PBRM1: variants seen among roughly 807,000 people sequenced by gnomAD.
PBRM1 encodes the protein protein polybromo-1.
A neutral mutation model predicts 194.5 loss-of-function variants in PBRM1; 27 were observed. The observed-to-expected ratio is 0.14, with a 90% CI of 0.10 to 0.19. PBRM1 has a LOEUF of 0.19. Ranked by LOEUF, PBRM1 falls within the 10% of genes least tolerant of loss-of-function variation. PBRM1 has a pLI of 1.00. For missense variants in PBRM1, 1,466 were observed against 2,077.2 expected, an observed-to-expected ratio of 0.71 and a Z score of 5.72; for synonymous variants, 655 against 693.2, an observed-to-expected ratio of 0.94 and a Z score of 0.87.
At chr3:52,548,898 A>G (rs978307831) in intron 29 of PBRM1, among the ~76,000 whole-genome samples, 2 of 152,204 alleles carry the variant, frequency 1.3e-5, no homozygotes, top group African/African-American at 2.4e-5. Flanking sequence ...GAAACTTCCA[A>G]ACTTCTCTCC....
exon 20 of PBRM1, chr3:52,586,657 C>G (rs756678646): frequency 6.3e-7 from 1 of 1,595,862 alleles, no homozygotes; most frequent in Non-Finnish European, 8.5e-7. Context: ...ATCCTCATCT[C>G]GGAAGTTTTC....
At chr3:52,671,719 T>G (rs968567331) in intron 2 of PBRM1, among the ~76,000 whole-genome samples, 1 of 152,242 alleles carries the variant, frequency 6.6e-6, no homozygotes, top group African/African-American at 2.4e-5. Flanking sequence ...AGAAGACTAT[T>G]ATTGATAAAC....
chr3:52,609,571 T>C lies in PBRM1; in HGVS notation c.2309A>G (p.His770Arg), dbSNP rs748868964. ...AATCAGCAAAGTCACATTTGGGACATGAGAGTCCTCATCTCCCTCCAGGTC... is the reference window on the plus strand; with the variant it reads ...AATCAGCAAAGTCACATTTGGGACACGAGAGTCCTCATCTCCCTCCAGGTC... The change falls in exon 16 of 30, where the codon CAT (histidine) becomes CGT (arginine). Residue 770 changes from histidine (H) to arginine (R), a missense_variant. His to Arg is a conservative substitution (Grantham distance 29). Around this residue, in one of 5 missense-constraint regions of PBRM1, gnomAD observed 687 missense variants for 946.2 expected, o/e 0.73. Transcript: ENST00000296302. The surrounding 1 kb of genome is among the most constrained non-coding windows in gnomAD (Gnocchi z 4.1). The C allele has an allele frequency of 6.8e-6, 11 of 1,613,584 alleles. No homozygotes were observed. The highest frequency in any genetic ancestry group is 1.7e-5 in the Admixed American group (1 of 59,948).
intron 17 of PBRM1, among the ~76,000 whole-genome samples, chr3:52,598,821 A>T (rs1227975402): frequency 6.6e-6 from 1 of 152,114 alleles, no homozygotes; most frequent in Non-Finnish European, 1.5e-5. Flanking sequence ...AGGAGTTAAG[A>T]GACCAGCCTG....
At chr3:52,670,204 C>G (rs369772454) in intron 2 of PBRM1, among the ~76,000 whole-genome samples, 24 of 152,268 alleles carry the variant, frequency 1.6e-4, no homozygotes, top group African/African-American at 5.8e-4. Flanking sequence ...TACAAGGTTC[C>G]TCACAAACAT....
intron 5 of PBRM1, among the ~76,000 whole-genome samples, chr3:52,652,113 GT>G (rs2096511576): frequency 6.6e-6 from 1 of 152,224 alleles, no homozygotes; most frequent in Non-Finnish European, 1.5e-5. Flanking sequence ...GCCGGGTGCG[GT>G]AGCTCACGCC....
intron 2 of PBRM1, among the ~76,000 whole-genome samples, chr3:52,674,100 A>C (rs1266304987): frequency 1.3e-5 from 2 of 151,686 alleles, no homozygotes; most frequent in Admixed American, 6.6e-5. Context: ...GATAAACGAA[A>C]TTAGAGAATA....
chr3:52,628,761 C>T (rs1560513083), intron 12 of PBRM1, 133 bp downstream of exon 13: 10 of 809,308 alleles, frequency 1.2e-5, no homozygotes, highest in East Asian at 2.6e-5. Flanking sequence ...TGTGAGCCAC[C>T]GCACCCAGCC....
intron 26 of PBRM1, among the ~76,000 whole-genome samples, chr3:52,555,724 C>T (rs2082088529): frequency 6.6e-6 from 1 of 152,164 alleles, no homozygotes; most frequent in Non-Finnish European, 1.5e-5. Flanking sequence ...TTGAGGTACA[C>T]AATTTCTGTG....
intron 27 of PBRM1, among the ~76,000 whole-genome samples, chr3:52,552,423 G>A (rs2081201055): frequency 6.6e-6 from 1 of 152,186 alleles, no homozygotes; most frequent in Admixed American, 6.5e-5. Flanking sequence ...CTAAGAGGGG[G>A]TCTTCCCTGA....
chr3:52,683,374 G>GAA (rs71278617), upstream of PBRM1, among the ~76,000 whole-genome samples: 14 of 129,456 alleles, frequency 1.1e-4, no homozygotes, highest in Non-Finnish European at 1.7e-4. Context: ...ACCGTCTCAA[G>GAA]AAAAAAAAAA....
At chr3:52,545,618 A>G, downstream of PBRM1, 1 of 233,186 alleles carries the variant, frequency 4.3e-6, no homozygotes. Flanking sequence ...GGCTTAAAAA[A>G]AAAACAACAA....
At chr3:52,557,381 C>T (rs2082440201) in intron 26 of PBRM1, among the ~76,000 whole-genome samples, 1 of 152,182 alleles carries the variant, frequency 6.6e-6, no homozygotes, top group Non-Finnish European at 1.5e-5. Flanking sequence ...TTGAACAACA[C>T]TATTTTGGAC....
chr3:52,585,360 A>G (rs1382498393), intron 20 of PBRM1: 1 of 152,192 alleles, frequency 6.6e-6, no homozygotes, highest in Non-Finnish European at 1.5e-5. Flanking sequence ...CTTTGGGGTC[A>G]GTTCTATGAT....
chr3:52,658,560 A>C (rs2096654916), intron 4 of PBRM1, among the ~76,000 whole-genome samples: 1 of 151,952 alleles, frequency 6.6e-6, no homozygotes. Flanking sequence ...AGGCCCAGCT[A>C]AATTTTATTT....
At chr3:52,684,462 T>C (rs889894389), upstream of PBRM1, among the ~76,000 whole-genome samples, 1 of 152,160 alleles carries the variant, frequency 6.6e-6, no homozygotes, top group Non-Finnish European at 1.5e-5. Flanking sequence ...ATACAATACA[T>C]GTTTAAAACA....
rs114039838 is a variant in PBRM1 at position 52,641,004 on chromosome 3, A to G, written c.1087+950T>C. On this transcript the variant is annotated intron_variant, in intron 10 of 29. Coordinates refer to ENST00000296302, the Ensembl canonical transcript of PBRM1. The stretch of plus-strand genomic sequence containing the variant: ...GAAGATAATATTTTTTCAATTTCTG[A>G]TAAGACCAGGCCCAATTTAAATAAA... Among the ~76,000 whole-genome samples, 191 of 152,296 alleles carry G rather than the reference A, an allele frequency of 1.3e-3. 2 individuals carry two copies. The highest frequency in any genetic ancestry group is 3.9e-3 in the African/African-American group (164 of 41,560).
At chr3:52,611,547 C>A (rs545349695) in intron 15 of PBRM1, among the ~76,000 whole-genome samples, 3 of 152,164 alleles carry the variant, frequency 2.0e-5, no homozygotes, top group Non-Finnish European at 4.4e-5. Context: ...CTCATGCCTG[C>A]AATACTAGTA....
chr3:52,625,617 C>A (rs1401344413), intron 13 of PBRM1, among the ~76,000 whole-genome samples: 2 of 151,390 alleles, frequency 1.3e-5, no homozygotes, highest in Non-Finnish European at 2.9e-5. Context: ...TCTTGTCACC[C>A]AGGCTGGAGT....
Sources: gnomAD v4.1 joint callset for allele counts (sites outside exome capture counted in the v4.1 genomes callset) on GRCh38, gnomAD v4.1.1 for gene constraint, gnomAD v4.1.1 regional missense constraint, Gnocchi (gnomAD v3.1) non-coding constraint, MANE v1.5 for transcripts, NCBI Gene and HGNC (gene_info 2026-07-23, HGNC 2026-07-21) for gene names.